KIF5A: variants seen among roughly 807,000 people sequenced by gnomAD.
KIF5A encodes kinesin family member 5A.
KIF5A carries 35 observed loss-of-function variants against 141.3 expected under a neutral mutation model. That is an observed-to-expected ratio of 0.25 (90% CI 0.19 to 0.33). The LOEUF (loss-of-function observed/expected upper bound fraction) is 0.33, where lower values mean the gene tolerates loss of function less well. KIF5A is among the 10% of genes least tolerant of loss of function. The pLI is 1.00. For synonymous variants in KIF5A, 448 were observed against 500.2 expected (o/e 0.90, Z 1.39); for missense variants, 861 against 1,314.3 (o/e 0.66, Z 5.33).
chr12:57,578,925 G>A (rs1882510997), intron 23 of KIF5A, among the ~76,000 whole-genome samples: 1 of 152,182 alleles, frequency 6.6e-6, no homozygotes. Flanking sequence ...TTAGCCGGAT[G>A]TGGTGGCACA....
At chr12:57,583,073 G>A in intron 27 of KIF5A, 28 bp from the exon 28 acceptor site, 4 of 1,579,234 alleles carry the variant, frequency 2.5e-6, no homozygotes, top group Middle Eastern at 1.7e-4. Flanking sequence ...TTTCTATGGA[G>A]CTGATCATGG....
intron 23 of KIF5A, among the ~76,000 whole-genome samples, chr12:57,580,352 A>T (rs1387288617): frequency 6.6e-6 from 1 of 152,082 alleles, no homozygotes; most frequent in Non-Finnish European, 1.5e-5. Context: ...AATGAGTGCA[A>T]ATGTTTGTGA....
In KIF5A at chr12:57,576,286, G is replaced by A. The variant is rs1386216646; in HGVS notation, c.2106G>A (p.Gln702=). ...ADEVKKALEL[Q]MESHREAHHR... is the part of the protein sequence containing the mutation. ...GTTTGCAGAAGGCTCTGGAGCTGCA[G>A]ATGGAGAGTCACCGGGAGGCCCATC... The change falls in exon 19 of 29, where the codon CAG becomes CAA. Residue 702 remains glutamine (Q), a synonymous_variant. Coordinates refer to ENST00000455537, the MANE Select transcript of KIF5A (RefSeq NM_004984.4). 1.9e-6 allele frequency: 3 copies of A among 1,614,020 alleles called. No individual in the cohort carries two copies. The highest frequency in any genetic ancestry group is 2.5e-6 in the Non-Finnish European group (3 of 1,180,010).
At chr12:57,557,038 A>G (rs1449108294) in intron 1 of KIF5A, among the ~76,000 whole-genome samples, 1 of 152,146 alleles carries the variant, frequency 6.6e-6, no homozygotes, top group Admixed American at 6.5e-5. Context: ...TCCACCCCTC[A>G]TCAACTTGAA....
At position 57,575,398 on chromosome 12, in the gene KIF5A, G is replaced by A. The variant is rs114614349; in HGVS notation, c.1905+126G>A. On this transcript the variant is annotated intron_variant, in intron 16 of 28. Transcript: ENST00000455537. ...CTGGGGTCAAGTGAAATCAAGGACA[G>A]AAAAGCTGGGGTGGCAGGGGTGCAG... 1.1e-3 allele frequency: 1,290 copies of A among 1,181,056 alleles called. 7 individuals carry two copies. The African/African-American group carries it at 0.017, about 16-fold the overall frequency. The allele number at this position is 1,181,056 out of a possible 1,614,324, so 73.2% of individuals were successfully genotyped here.
At chr12:57,552,801 A>G (rs527663794) in intron 1 of KIF5A, among the ~76,000 whole-genome samples, 1 of 152,074 alleles carries the variant, frequency 6.6e-6, no homozygotes, top group East Asian at 1.9e-4. Context: ...AAGGTGGGAG[A>G]GATAATCTTT....
At chr12:57,579,235 C>A (rs530774411) in intron 23 of KIF5A, among the ~76,000 whole-genome samples, 1 of 152,176 alleles carries the variant, frequency 6.6e-6, no homozygotes, top group South Asian at 2.1e-4. Context: ...GAAGGGCAGT[C>A]CAAAGGAGTC....
At chr12:57,563,749 G>A (rs1444758316) in intron 3 of KIF5A, 56 bp downstream of exon 3, 2 of 1,469,702 alleles carry the variant, frequency 1.4e-6, no homozygotes, top group African/African-American at 1.4e-5. Flanking sequence ...GAAGATCAGG[G>A]AATCTCAGTG....
chr12:57,555,345 A>G (rs1432990467), intron 1 of KIF5A, among the ~76,000 whole-genome samples: 8 of 152,202 alleles, frequency 5.3e-5, no homozygotes. Context: ...CCCATGGGTT[A>G]GCCCTGCTGT....
At chr12:57,583,287 C>T in intron 28 of KIF5A, 72 bp downstream of exon 28, 2 of 824,786 alleles carry the variant, frequency 2.4e-6, no homozygotes, top group Non-Finnish European at 3.9e-6. Flanking sequence ...TTTGGTTTTC[C>T]TGCTGCTGCT....
chr12:57,568,518 G>A (rs1882140801), intron 8 of KIF5A, among the ~76,000 whole-genome samples: 1 of 152,034 alleles, frequency 6.6e-6, no homozygotes, highest in Non-Finnish European at 1.5e-5. Context: ...CTGAGGTCGG[G>A]AGTTCGAGAC....
At chr12:57,566,434 G>A (rs1882067292) in intron 6 of KIF5A, among the ~76,000 whole-genome samples, 1 of 147,636 alleles carries the variant, frequency 6.8e-6, no homozygotes, top group African/African-American at 2.5e-5. Context: ...TTGAGACAGA[G>A]TTTCTCTCTT....
At chr12:57,555,860 G>T (rs1338180521) in intron 1 of KIF5A, among the ~76,000 whole-genome samples, 17 of 130,022 alleles carry the variant, frequency 1.3e-4, no homozygotes, top group Non-Finnish European at 1.2e-4. Flanking sequence ...AGTGAGCCAA[G>T]ATCATGCTGC....
intron 1 of KIF5A, among the ~76,000 whole-genome samples, chr12:57,555,058 A>C (rs1343754181): frequency 1.3e-5 from 2 of 152,210 alleles, no homozygotes; most frequent in African/African-American, 4.8e-5. Flanking sequence ...CCCTGCCTTC[A>C]AGAAAATCTG....
intron 1 of KIF5A, among the ~76,000 whole-genome samples, chr12:57,558,039 A>G (rs978752128): frequency 6.6e-6 from 1 of 152,222 alleles, no homozygotes; most frequent in Non-Finnish European, 1.5e-5. Flanking sequence ...TACATTTATA[A>G]GCAAATACAT....
chr12:57,571,434 C>T (rs775867271), intron 13 of KIF5A, 45 bp downstream of exon 13: 40 of 1,603,218 alleles, frequency 2.5e-5, no homozygotes, highest in Non-Finnish European at 3.2e-5. Context: ...GGGTTCTGTT[C>T]ATCACTGGAA....
Position 57,581,099 on chromosome 12 carries a change from G to A in KIF5A, c.2682G>A (p.Gln894=). The A allele has an allele frequency of 6.2e-7, 1 of 1,614,180 alleles. No individual in the cohort carries two copies. The highest frequency in any genetic ancestry group is 8.5e-7 in the Non-Finnish European group (1 of 1,180,026). The change falls in exon 24 of 29, where the codon CAG becomes CAA. Residue 894 remains glutamine, a synonymous_variant. Coordinates refer to ENST00000455537, the MANE Select transcript of KIF5A (RefSeq NM_004984.4). ...EGAMKDKRRY[Q]QEVDRIKEAV... is the part of the protein sequence containing the mutation. ...CCATGAAGGACAAGCGCCGGTACCAGCAGGAGGTGGACCGCATCAAGGAGG... is the reference window on the plus strand; with the variant it reads ...CCATGAAGGACAAGCGCCGGTACCAACAGGAGGTGGACCGCATCAAGGAGG...
At chr12:57,560,239 A>G (rs781469214) in intron 1 of KIF5A, among the ~76,000 whole-genome samples, 3 of 152,214 alleles carry the variant, frequency 2.0e-5, no homozygotes, top group Non-Finnish European at 2.9e-5. Flanking sequence ...ATATATGTAT[A>G]TGCTATAATT....
rs1881537184 is a variant in KIF5A at position 57,550,497 on chromosome 12, C to T, written c.129+97C>T. 1 of 1,275,486 alleles carries T rather than the reference C, an allele frequency of 7.8e-7. No individual in the cohort carries two copies. Among genetic ancestry groups the T allele is most frequent in the Non-Finnish European group, 1.1e-6 (1 of 900,268 alleles). The allele number at this position is 1,275,486 out of a possible 1,614,324, so 79.0% of individuals were successfully genotyped here. A position where few individuals can be genotyped will look rare whatever the true frequency, so the allele number is the denominator to read the frequency against. ...AGTCTCTGCTGGTCCCTTTGCTCCC[C>T]CTCCCCGCCGCTCATCCTTCATCCT... On this transcript the variant is annotated intron_variant, in intron 1 of 28. Coordinates refer to ENST00000455537, the MANE Select transcript of KIF5A (RefSeq NM_004984.4). This position sits in a 1 kb window ranked among gnomAD's most constrained non-coding sequence, Gnocchi z 4.6.
Sources: gnomAD v4.1 joint callset for allele counts (sites outside exome capture counted in the v4.1 genomes callset) on GRCh38, gnomAD v4.1.1 for gene constraint, Gnocchi (gnomAD v3.1) non-coding constraint, MANE v1.5 for transcripts, NCBI Gene and HGNC (gene_info 2026-07-23, HGNC 2026-07-21) for gene names.